Variants in NUP107 observed in about 807,000 individuals in gnomAD.
NUP107 encodes the protein nuclear pore complex protein Nup107.
A neutral mutation model predicts 141.0 loss-of-function variants in NUP107; 101 were observed. The observed-to-expected ratio is 0.72, with a 90% CI of 0.61 to 0.84. The LOEUF (loss-of-function observed/expected upper bound fraction) is 0.84. NUP107 is among the 40% of genes least tolerant of loss of function. The pLI is 0.00. For missense variants in NUP107, 941 were observed against 1,102.7 expected (o/e 0.85, Z 2.08); for synonymous variants, 319 against 363.9 (o/e 0.88, Z 1.41).
intron 8 of NUP107, chr12:68,706,569 A>T (rs945184947): frequency 8.8e-6 from 6 of 680,822 alleles, no homozygotes; most frequent in Non-Finnish European, 1.6e-5. Context: ...GAACAGGAAC[A>T]TCAGTCGGCT....
intron 10 of NUP107, among the ~76,000 whole-genome samples, chr12:68,710,820 A>G (rs1352191116): frequency 6.6e-6 from 1 of 152,216 alleles, no homozygotes; most frequent in African/African-American, 2.4e-5. Context: ...ATATGGGAGA[A>G]CATGTGTAGG....
chr12:68,732,522 G>A (rs1877874012), intron 22 of NUP107, 115 bp from the exon 23 acceptor site: 2 of 523,710 alleles, frequency 3.8e-6, no homozygotes, highest in Non-Finnish European at 6.6e-6. Context: ...TATAACTTGA[G>A]AGAAAATGAT....
chr12:68,723,901 A>T (rs927912323), intron 17 of NUP107, among the ~76,000 whole-genome samples: 2 of 152,106 alleles, frequency 1.3e-5, no homozygotes, highest in South Asian at 4.1e-4. Flanking sequence ...ATTATATAGG[A>T]GCACTTGATA....
rs1875690296 is a variant in NUP107, at chr12:68,689,772, T to C, written c.187+153T>C. The stretch of plus-strand genomic sequence containing the variant: ...TTATTATTCGTTTGAACTCTTGCCA[T>C]GTACAAGGTACTGTACTTTCCATAA... On this transcript the variant is annotated intron_variant, in intron 3 of 27. Coordinates refer to ENST00000229179, the MANE Select transcript of NUP107 (RefSeq NM_020401.4). 7 of 606,086 alleles carry C rather than the reference T, an allele frequency of 1.2e-5. No homozygotes were observed. The South Asian group carries it at 1.4e-4, about 13-fold the overall frequency. 37.5% of individuals were successfully genotyped at this position (606,086 alleles called of 1,614,324 possible).
intron 15 of NUP107, 69 bp downstream of exon 15, chr12:68,721,246 G>T: frequency 2.0e-6 from 2 of 1,009,040 alleles, no homozygotes; most frequent in South Asian, 1.4e-5. Context: ...TCTAACAATT[G>T]TATATAACAA....
In NUP107 at chr12:68,745,655, G is replaced by A. The variant is rs1878498942; in HGVS notation, c.*3193G>A. 6.6e-6 allele frequency: 1 copy of A among 152,168 alleles called. No homozygotes were observed. The highest frequency in any genetic ancestry group is 1.5e-5 in the Non-Finnish European group (1 of 68,032). 9.4% of individuals were successfully genotyped at this position (152,168 alleles called of 1,614,324 possible). A position where few individuals can be genotyped will look rare whatever the true frequency, so the allele number is the denominator to read the frequency against. ...TAGCACTCGTTTACATTGTCAAGGG[G>A]ACATCTTTAGAGAACACATTTTCTC... On this transcript the variant is annotated 3_prime_UTR_variant, in exon 28 of 28. Coordinates refer to ENST00000229179, the MANE Select transcript of NUP107 (RefSeq NM_020401.4).
At position 68,719,325 on chromosome 12, in the gene NUP107, T is replaced by C; in HGVS notation, c.1084-16T>C. The C allele has an allele frequency of 2.5e-6, 4 of 1,609,064 alleles. No individual in the cohort carries two copies. Among genetic ancestry groups the C allele is most frequent in the Non-Finnish European group, 3.4e-6 (4 of 1,176,132 alleles). The stretch of plus-strand genomic sequence containing the variant: ...ACCCTGGTTATTGGACTGACTGCTC[T>C]TTCTTGTTTTCTAAGGCACAACGAC... On this transcript the variant is annotated splice_polypyrimidine_tract_variant and intron_variant, in intron 12 of 27. Coordinates refer to ENST00000229179, the MANE Select transcript of NUP107 (RefSeq NM_020401.4).
At chr12:68,703,062 T>G (rs1383996351) in intron 8 of NUP107, among the ~76,000 whole-genome samples, 2 of 152,104 alleles carry the variant, frequency 1.3e-5, no homozygotes, top group African/African-American at 4.8e-5. Context: ...GCCAAGCTGG[T>G]CTCGAACTTC....
chr12:68,727,519 C>A, intron 20 of NUP107, 130 bp downstream of exon 20: 1 of 541,598 alleles, frequency 1.8e-6, no homozygotes, highest in Admixed American at 3.0e-5. Context: ...TAATTATCAG[C>A]ACAGTTGACC....
intron 8 of NUP107, chr12:68,706,545 G>A (rs1876590133): frequency 3.0e-6 from 2 of 677,878 alleles, no homozygotes; most frequent in Non-Finnish European, 5.4e-6. Context: ...CACAAAGACT[G>A]AGATCTCCAA....
rs1877072363 is a variant in NUP107 at position 68,715,691 on chromosome 12, G to T, written c.1034G>T (p.Arg345Ile). ...GATCTGGATAGAGAAGATGAAGTTAGATTACTCAAATATCTCTTTACTCTA... is the reference window on the plus strand; with the variant it reads ...GATCTGGATAGAGAAGATGAAGTTATATTACTCAAATATCTCTTTACTCTA... ...LDDLDREDEV[R>I]LLKYLFTLIR... Residue 345 changes from arginine (R) to isoleucine (I), a missense_variant, in exon 12 of 28, where the codon AGA (arginine) becomes ATA (isoleucine). Physicochemically the swap from Arg to Ile is moderately conservative, Grantham distance 97. Transcript: ENST00000229179. The T allele has an allele frequency of 6.2e-7, 1 of 1,613,232 alleles. No individual in the cohort carries two copies. The highest frequency in any genetic ancestry group is 1.7e-5 in the Admixed American group (1 of 60,024).
chr12:68,697,312 T>C (rs1230344609), intron 6 of NUP107, among the ~76,000 whole-genome samples: 1 of 151,976 alleles, frequency 6.6e-6, no homozygotes, highest in Non-Finnish European at 1.5e-5. Flanking sequence ...TGATTCTAGC[T>C]CCTTGGGAGG....
chr12:68,738,971 T>C (rs1164293441), intron 26 of NUP107, among the ~76,000 whole-genome samples: 1 of 152,100 alleles, frequency 6.6e-6, no homozygotes, highest in Non-Finnish European at 1.5e-5. Context: ...TTTGTTCTTT[T>C]TTTTTTAAAC....
At chr12:68,706,791 C>G (rs1876604227) in intron 8 of NUP107, 2 of 758,502 alleles carry the variant, frequency 2.6e-6, no homozygotes, top group African/African-American at 1.7e-5. Flanking sequence ...AAGATCACCA[C>G]TTAAAGGAAG....
chr12:68,720,536 G>GGAAT (rs1033130399), intron 14 of NUP107, among the ~76,000 whole-genome samples: 1 of 152,186 alleles, frequency 6.6e-6, no homozygotes, highest in Non-Finnish European at 1.5e-5. Flanking sequence ...AAGGAAGGAA[G>GGAAT]AGACACTGGT....
rs774358671 is a variant in NUP107, at chr12:68,719,629, T to C, written c.1226T>C (p.Ile409Thr). 3.7e-6 allele frequency: 6 copies of C among 1,612,272 alleles called. No individual in the cohort carries two copies. The Admixed American group carries it at 5.0e-5, about 13-fold the overall frequency. The stretch of plus-strand genomic sequence containing the variant: ...AATCCATATAGACGCATTTGGAAAA[T>C]AAGTTGCTGGAGAATGGCAGAAGAT... ...EGNPYRRIWK[I>T]SCWRMAEDEL... The change falls in exon 14 of 28, where the codon ATA becomes ACA. Residue 409 changes from isoleucine to threonine, a missense_variant. Transcript: ENST00000229179.
chr12:68,706,655 G>T, intron 8 of NUP107: 3 of 722,794 alleles, frequency 4.2e-6, no homozygotes, highest in Non-Finnish European at 7.8e-6. Flanking sequence ...AGCAGCATGG[G>T]GAGCTGGCAG....
In NUP107 at chr12:68,721,862, T is replaced by TGG; in HGVS notation, c.1335_1336dup (p.Glu446GlyfsTer11). On this transcript the variant is annotated frameshift_variant, in exon 16 of 28. Coordinates refer to ENST00000229179, the MANE Select transcript of NUP107 (RefSeq NM_020401.4). LOFTEE classifies it high-confidence loss of function. ...AAAGCTGCTTCCTGTCTGTGACACC[T>TGG]GGGAAGACACAGTTTGGGCCTACTT... 6.2e-7 allele frequency: 1 copy of TGG among 1,613,898 alleles called. No individual in the cohort carries two copies. Among genetic ancestry groups the TGG allele is most frequent in the Non-Finnish European group, 8.5e-7 (1 of 1,179,934 alleles).
intron 7 of NUP107, among the ~76,000 whole-genome samples, chr12:68,702,290 A>T (rs943680451): frequency 2.0e-5 from 3 of 151,740 alleles, no homozygotes; most frequent in African/African-American, 4.8e-5. Context: ...TACCTGGCCT[A>T]ATTTTTATAT....
Sources: allele counts gnomAD v4.1 joint callset (sites outside exome capture counted in the v4.1 genomes callset), GRCh38; gene constraint gnomAD v4.1.1; transcripts MANE v1.5; gene names NCBI Gene and HGNC (gene_info 2026-07-23, HGNC 2026-07-21).